MRTFB: variants seen among roughly 807,000 people sequenced by gnomAD.
MRTFB encodes myocardin-related transcription factor B.
In MRTFB, 29 loss-of-function variants were observed where a neutral mutation model predicts 104.2. The ratio of observed to expected loss-of-function variants is 0.28; its 90% CI spans 0.21 to 0.38. The LOEUF is 0.38. Among genes scored for constraint, MRTFB ranks in the 10% least tolerant of loss-of-function variants. The pLI, the probability that MRTFB is intolerant of heterozygous loss-of-function variation, is 1.00. For missense variants in MRTFB, 1,270 were observed against 1,341.6 expected, an observed-to-expected ratio of 0.95 and a Z score of 0.83; for synonymous variants, 535 against 519.5, an observed-to-expected ratio of 1.03 and a Z score of -0.41.
chr16:14,208,670 C>G (rs966813736), intron 3 of MRTFB, among the ~76,000 whole-genome samples: 20 of 152,106 alleles, frequency 1.3e-4, no homozygotes, highest in African/African-American at 4.3e-4. Flanking sequence ...TTTAGCATTC[C>G]TAGAAGAATG....
chr16:14,224,490 G>A (rs1305504047), intron 8 of MRTFB, among the ~76,000 whole-genome samples: 1 of 152,116 alleles, frequency 6.6e-6, no homozygotes, highest in Non-Finnish European at 1.5e-5. Flanking sequence ...CACAATGCCT[G>A]TACAAGAAAT....
chr16:14,206,186 G>A (rs148392172), intron 3 of MRTFB, among the ~76,000 whole-genome samples: 90 of 152,304 alleles, frequency 5.9e-4, no homozygotes, highest in Admixed American at 5.6e-3. Flanking sequence ...TCCCACAACC[G>A]TGAATGCCTC....
chr16:14,001,985 G>C, the MRTFB span, among the ~76,000 whole-genome samples: 237 of 152,306 alleles, frequency 1.6e-3, no homozygotes, highest in African/African-American at 5.4e-3. Context: ...CCCTCTCATG[G>C]TCTGTAGAAA....
the MRTFB span, among the ~76,000 whole-genome samples, chr16:14,000,829 C>T: frequency 2.0e-5 from 3 of 152,250 alleles, no homozygotes; most frequent in Non-Finnish European, 2.9e-5. Flanking sequence ...AGAAGGGTGG[C>T]TGGGACGACA....
the MRTFB span, among the ~76,000 whole-genome samples, chr16:14,023,606 C>CATAT: frequency 6.3e-3 from 248 of 39,528 alleles, no homozygotes; most frequent in Middle Eastern, 0.018. Flanking sequence ...CACACACACA[C>CATAT]ACACATACAT....
At chr16:14,083,606 T>G (rs2034532727) in intron 2 of MRTFB, among the ~76,000 whole-genome samples, 1 of 152,202 alleles carries the variant, frequency 6.6e-6, no homozygotes. Context: ...CCCCATCTGA[T>G]GGTATCTCTC....
intron 2 of MRTFB, among the ~76,000 whole-genome samples, chr16:14,114,739 AGATTCCTT>A (rs1228542185): frequency 6.6e-6 from 1 of 152,178 alleles, no homozygotes; most frequent in Admixed American, 6.5e-5. Context: ...ACGTCTTTGT[AGATTCCTT>A]TCTAGTGCAT....
At chr16:14,145,927 T>C (rs1262081207) in intron 3 of MRTFB, among the ~76,000 whole-genome samples, 1 of 151,874 alleles carries the variant, frequency 6.6e-6, no homozygotes, top group Admixed American at 6.5e-5. Flanking sequence ...GCCCTTTGCC[T>C]GTGCCTACAC....
chr16:14,193,801 C>G (rs2040306319), intron 3 of MRTFB: 1 of 152,152 alleles, frequency 6.6e-6, no homozygotes, highest in South Asian at 2.1e-4. Context: ...TCAAAATTAC[C>G]ATTTAAACCA....
rs55685117 is a variant in MRTFB at position 14,090,879 on chromosome 16, G to GGTGTGTGTGTGTGTGT, written c.-64+11552_-64+11567dup. Among the ~76,000 whole-genome samples, 91 of 141,786 alleles carry GGTGTGTGTGTGTGTGT rather than the reference G, an allele frequency of 6.4e-4. No individual in the cohort carries two copies. The East Asian group carries it at 9.4e-3, about 15-fold the overall frequency. The allele number at this position is 141,786 out of a possible 152,430, so 93.0% of individuals were successfully genotyped here. A position where few individuals can be genotyped will look rare whatever the true frequency, so the allele number is the denominator to read the frequency against. On this transcript the variant is annotated intron_variant, in intron 2 of 16. Coordinates refer to ENST00000571589, the MANE Select transcript of MRTFB (RefSeq NM_001308142.2). ...CAGGTTTTCAAAATCAGTTCAGCAT[G>GGTGTGTGTGTGTGTGT]GTGTGTGTGTGTGTGTGTGTGTGTG...
the MRTFB span, among the ~76,000 whole-genome samples, chr16:14,013,661 C>T: frequency 1.3e-5 from 2 of 152,190 alleles, no homozygotes; most frequent in African/African-American, 4.8e-5. Flanking sequence ...ACATGTATGA[C>T]ATATTTTGTT....
Position 14,266,250 on chromosome 16 carries a change from G to A in MRTFB, c.*4806G>A, listed in dbSNP as rs541634202. Reference sequence around the variant, plus strand: ...TATTGTTTTCATGTAAAATAGTATAGAGTTGTTTTGTTGGTTTAAGAGTAA... The same window carrying A: ...TATTGTTTTCATGTAAAATAGTATAAAGTTGTTTTGTTGGTTTAAGAGTAA... On this transcript the variant is annotated 3_prime_UTR_variant, in exon 17 of 17. Transcript: ENST00000571589. 1.1e-4 allele frequency: 16 copies of A among 152,316 alleles called. No homozygotes were observed. The highest frequency in any genetic ancestry group is 3.8e-4 in the African/African-American group (16 of 41,570). 9.4% of individuals were successfully genotyped at this position (152,316 alleles called of 1,614,324 possible).
chr16:14,127,923 A>ATTTTTTTTTTTTTTTTTTTTT (rs1567355881), intron 2 of MRTFB, among the ~76,000 whole-genome samples: 1 of 39,186 alleles, frequency 2.6e-5, no homozygotes, highest in African/African-American at 2.7e-4. Flanking sequence ...ATATATATAT[A>ATTTTTTTTTTTTTTTTTTTTT]TATATATTTT....
At chr16:14,032,271 A>G in the MRTFB span, among the ~76,000 whole-genome samples, 4 of 152,234 alleles carry the variant, frequency 2.6e-5, no homozygotes, top group African/African-American at 9.6e-5. Flanking sequence ...CTAATGGCCA[A>G]TGCTTTCATC....
In MRTFB at chr16:14,228,570, C is replaced by T. The variant is rs151136314; in HGVS notation, c.694-5576C>T. 2.5e-3 allele frequency among the ~76,000 whole-genome samples: 373 copies of T among 147,056 alleles called. 2 individuals are homozygous for T. The highest frequency in any genetic ancestry group is 9.3e-3 in the African/African-American group (353 of 37,916). On this transcript the variant is annotated intron_variant, in intron 8 of 16. Transcript: ENST00000571589. ...CAGCCTGGGCAACAGAGCTAGACTC[C>T]GTCCCAAAAAAAAAAAAATAGAAAA...
chr16:14,121,649 G>A (rs1297418829), intron 2 of MRTFB, among the ~76,000 whole-genome samples: 1 of 151,912 alleles, frequency 6.6e-6, no homozygotes, highest in Non-Finnish European at 1.5e-5. Flanking sequence ...AAGCGTTTTT[G>A]TTTTTGTTTT....
intron 2 of MRTFB, among the ~76,000 whole-genome samples, chr16:14,107,606 C>G (rs2036052213): frequency 6.6e-6 from 1 of 152,158 alleles, no homozygotes; most frequent in African/African-American, 2.4e-5. Flanking sequence ...AGGACACTCT[C>G]CAACAAATAG....
At chr16:14,234,349 A>G in intron 9 of MRTFB, 66 bp downstream of exon 9, 5 of 1,520,584 alleles carry the variant, frequency 3.3e-6, no homozygotes, top group Non-Finnish European at 4.4e-6. Context: ...AACCCTGTGA[A>G]TGGAAGACAA....
chr16:14,103,182 G>A (rs1015354975), intron 2 of MRTFB, among the ~76,000 whole-genome samples: 4 of 152,110 alleles, frequency 2.6e-5, no homozygotes, highest in African/African-American at 9.7e-5. Context: ...ACACTATGTT[G>A]TGATGTCTGT....
Sources: allele counts gnomAD v4.1 joint callset (sites outside exome capture counted in the v4.1 genomes callset), GRCh38; gene constraint gnomAD v4.1.1; transcripts MANE v1.5; gene names NCBI Gene and HGNC (gene_info 2026-07-23, HGNC 2026-07-21).